The following STXBP5 variants were observed in gnomAD, a reference collection of about 807,000 sequenced individuals.
STXBP5 encodes syntaxin binding protein 5, also known as syntaxin-binding protein 5.
In STXBP5, 50 loss-of-function variants were observed where a neutral mutation model predicts 152.4. The observed-to-expected ratio is 0.33, with a 90% confidence interval of 0.26 to 0.42. The LOEUF (loss-of-function observed/expected upper bound fraction) is 0.42, where lower values mean the gene tolerates loss of function less well. Among genes scored for constraint, STXBP5 ranks in the 10% least tolerant of loss-of-function variants. The pLI, the probability that STXBP5 is intolerant of heterozygous loss-of-function variation, is 1.00. For missense variants in STXBP5, 1,167 were observed against 1,388.6 expected (o/e 0.84, Z 2.54); for synonymous variants, 492 against 494.7 (o/e 0.99, Z 0.07).
rs1331428498 is a variant in STXBP5, at chr6:147,353,343, A to G, written c.2275A>G (p.Ser759Gly). Residue 759 changes from serine (S) to glycine (G), a missense_variant, in exon 22 of 28, where the codon AGC becomes GGC. By Grantham distance (56) the Ser-to-Gly change is moderately conservative. This residue lies in a region of STXBP5 where 833 missense variants were observed against 986.3 expected (regional missense o/e 0.84). Transcript: ENST00000321680. ...TTCAGCAAAGATGTCAAGGAAGTTA[A>G]GCTTACCTACTGACCTAAAGCCTGA... The part of the protein sequence containing the change: ...NDIAKMSRKL[S>G]LPTDLKPDLD... The G allele has an allele frequency of 6.3e-7, 1 of 1,584,660 alleles. No homozygotes were observed.
intron 9 of STXBP5, among the ~76,000 whole-genome samples, chr6:147,291,487 C>T (rs979221368): frequency 2.0e-5 from 3 of 151,704 alleles, no homozygotes; most frequent in African/African-American, 7.3e-5. Context: ...GTGGAATAAG[C>T]AATGAAGAAA....
chr6:147,235,404 A>G lies in STXBP5; in HGVS notation c.330+73A>G, dbSNP rs3737241. 311 of 1,146,062 alleles carry G rather than the reference A, an allele frequency of 2.7e-4. 2 individuals are homozygous for G. In the East Asian group the frequency reaches 6.7e-3, roughly 25 times the overall value. The allele number at this position is 1,146,062 out of a possible 1,614,324, so 71.0% of individuals were successfully genotyped here. On this transcript the variant is annotated intron_variant, in intron 3 of 27. Coordinates refer to ENST00000321680, the MANE Select transcript of STXBP5 (RefSeq NM_001127715.4). ...ACTTCTAGTCTTTCAGATTTCTTAC[A>G]TGCATTCACAATTTATTTACATATT...
intron 16 of STXBP5, among the ~76,000 whole-genome samples, chr6:147,320,198 C>T (rs2128379637): frequency 6.6e-6 from 1 of 152,108 alleles, no homozygotes; most frequent in Non-Finnish European, 1.5e-5. Flanking sequence ...AAAAATATCA[C>T]CTTAATTATT....
chr6:147,242,357 C>T lies in STXBP5; in HGVS notation c.431+3087C>T, dbSNP rs994481398. ...TTTATGACGTAAAGTTTACAGTAAG[C>T]TAAGGTTAATTTATTATTGAAGAAA... On this transcript the variant is annotated intron_variant, in intron 4 of 27. Transcript: ENST00000321680. Among the ~76,000 whole-genome samples, 115 of 151,946 alleles carry T rather than the reference C, an allele frequency of 7.6e-4. 1 individual carries two copies. Among genetic ancestry groups the T allele is most frequent in the African/African-American group, 2.8e-3 (114 of 41,450 alleles).
intron 25 of STXBP5, among the ~76,000 whole-genome samples, chr6:147,365,591 T>TACTAC (rs1785255485): frequency 2.0e-5 from 3 of 152,198 alleles, no homozygotes; most frequent in Admixed American, 6.5e-5. Flanking sequence ...AAACTATATT[T>TACTAC]TAAACTATCT....
chr6:147,307,012 T>C (rs188650848), intron 9 of STXBP5, among the ~76,000 whole-genome samples: 35 of 152,320 alleles, frequency 2.3e-4, no homozygotes, highest in Admixed American at 2.0e-3. Flanking sequence ...TGTAGTATTA[T>C]GGAGCTGAGT....
At chr6:147,328,370 A>G (rs1043683867) in intron 18 of STXBP5, among the ~76,000 whole-genome samples, 1 of 152,152 alleles carries the variant, frequency 6.6e-6, no homozygotes, top group Admixed American at 6.5e-5. Flanking sequence ...GTATTGAAAC[A>G]CCGTTTGGGA....
intron 4 of STXBP5, among the ~76,000 whole-genome samples, chr6:147,253,292 G>A (rs143672893): frequency 1.5e-3 from 231 of 152,246 alleles, no homozygotes; most frequent in South Asian, 4.4e-3. Context: ...TAAACTAGGT[G>A]TCGATGGAAC....
chr6:147,290,047 A>C (rs1380831556), intron 8 of STXBP5, among the ~76,000 whole-genome samples: 3 of 152,070 alleles, frequency 2.0e-5, no homozygotes, highest in Non-Finnish European at 4.4e-5. Context: ...TCTCTACAAA[A>C]ATTTTTAAAA....
At chr6:147,265,910 T>TA (rs551469232) in intron 6 of STXBP5, among the ~76,000 whole-genome samples, 77 of 145,778 alleles carry the variant, frequency 5.3e-4, no homozygotes, top group Non-Finnish European at 6.8e-4. Context: ...TCCTTCGAAT[T>TA]AAAAAAAAAA....
intron 9 of STXBP5, among the ~76,000 whole-genome samples, chr6:147,303,091 G>T (rs1781908684): frequency 6.6e-6 from 1 of 152,120 alleles, no homozygotes; most frequent in Admixed American, 6.5e-5. Flanking sequence ...AAAGAAGTGA[G>T]TATAAAATAT....
At chr6:147,368,564 A>G (rs58987334) in intron 25 of STXBP5, among the ~76,000 whole-genome samples, 81,055 of 151,988 alleles carry the variant, frequency 0.53, 21,845 homozygotes, top group Middle Eastern at 0.58. Context: ...ATCAGCAATT[A>G]CAGAAGAATG....
chr6:147,354,695 T>G (rs1246589123), intron 22 of STXBP5, among the ~76,000 whole-genome samples: 1 of 152,192 alleles, frequency 6.6e-6, no homozygotes, highest in East Asian at 1.9e-4. Flanking sequence ...AGCCAATTAT[T>G]TTTTAAGGCA....
rs1482192639 is a variant in STXBP5 at position 147,382,910 on chromosome 6, A to G, written c.3326A>G (p.Asp1109Gly). 1.2e-6 allele frequency: 2 copies of G among 1,613,518 alleles called. No homozygotes were observed. The highest frequency in any genetic ancestry group is 1.7e-5 in the Admixed American group (1 of 59,892). The change falls in exon 27 of 28, where the codon GAT becomes GGT. Residue 1109 changes from aspartate (D) to glycine (G), a missense_variant. Transcript: ENST00000321680. ...TTAGCACGAGCCAGGCTGGCACTAG[A>G]TGAAAGAGGGCAGAAACTTGGCGAT... ...GELARARLAL[D>G]ERGQKLGDLE...
At chr6:147,336,736 G>A (rs1445672669) in intron 19 of STXBP5, among the ~76,000 whole-genome samples, 1 of 152,058 alleles carries the variant, frequency 6.6e-6, no homozygotes, top group Non-Finnish European at 1.5e-5. Flanking sequence ...GTATAAAGTG[G>A]ATTGGGAGTT....
chr6:147,385,009 A>C lies in STXBP5; in HGVS notation c.*254A>C, dbSNP rs1290070346. On this transcript the variant is annotated 3_prime_UTR_variant, in exon 28 of 28. Transcript: ENST00000321680. ...GAATTAAACAGGTCACACGTGACAGATGAAGAAACCAAGGGGGCTGCTGAG... is the reference window on the plus strand; with the variant it reads ...GAATTAAACAGGTCACACGTGACAGCTGAAGAAACCAAGGGGGCTGCTGAG... 1 of 463,062 alleles carries C rather than the reference A, an allele frequency of 2.2e-6. No homozygotes were observed. The highest frequency in any genetic ancestry group is 3.9e-6 in the Non-Finnish European group (1 of 258,064). 28.7% of individuals were successfully genotyped at this position (463,062 alleles called of 1,614,324 possible).
At chr6:147,283,167 A>G (rs17076683) in intron 8 of STXBP5, among the ~76,000 whole-genome samples, 3,895 of 152,290 alleles carry the variant, frequency 0.026, 125 homozygotes, top group African/African-American at 0.078. Flanking sequence ...TTATTCATCA[A>G]TGTAATCAAT....
rs1785680243 is a variant in STXBP5, at chr6:147,373,838, A to C, written c.3189A>C (p.Glu1063Asp). ...GGGAQSLDRE[E>D]LFGESSSGKA... Reference sequence around the variant, plus strand: ...GTGCACAATCTCTTGACAGAGAAGAACTATGTAAGTTGATTTATTTAATTC... The same window carrying C: ...GTGCACAATCTCTTGACAGAGAAGACCTATGTAAGTTGATTTATTTAATTC... The change falls in exon 26 of 28, where the codon GAA becomes GAC. Residue 1063 changes from glutamate to aspartate, a missense_variant. Coordinates refer to ENST00000321680, the MANE Select transcript of STXBP5 (RefSeq NM_001127715.4). 1 of 1,607,652 alleles carries C rather than the reference A, an allele frequency of 6.2e-7. No homozygotes were observed. Among genetic ancestry groups the C allele is most frequent in the South Asian group, 1.1e-5 (1 of 90,854 alleles).
intron 18 of STXBP5, among the ~76,000 whole-genome samples, chr6:147,329,295 T>C (rs1420971909): frequency 2.7e-5 from 4 of 149,238 alleles, no homozygotes; most frequent in Non-Finnish European, 5.9e-5. Flanking sequence ...AAGAATTAGC[T>C]ATTTAGGCAC....
Sources: allele counts gnomAD v4.1 joint callset (sites outside exome capture counted in the v4.1 genomes callset), GRCh38; gene constraint gnomAD v4.1.1; regional missense constraint gnomAD v4.1.1; transcripts MANE v1.5; gene names NCBI Gene and HGNC (gene_info 2026-07-23, HGNC 2026-07-21).